INSIG2: variants seen among roughly 807,000 people sequenced by gnomAD.
INSIG2 encodes insulin induced gene 2, also known as insulin-induced gene 2 protein.
INSIG2 carries 10 observed loss-of-function variants against 27.2 expected under a neutral mutation model. That is an observed-to-expected ratio of 0.37 (90% CI 0.23 to 0.62). The LOEUF is 0.62. Ranked by LOEUF, INSIG2 falls within the 20% of genes least tolerant of loss-of-function variation. INSIG2 has a pLI of 0.65. For synonymous variants in INSIG2, 97 were observed against 95.8 expected (o/e 1.01, Z -0.07); for missense variants, 178 against 270.2 (o/e 0.66, Z 2.39).
intron 2 of INSIG2, among the ~76,000 whole-genome samples, chr2:118,100,206 C>T (rs1219014258): frequency 6.6e-6 from 1 of 151,964 alleles, no homozygotes. Context: ...CCTCAAGGGT[C>T]ACCTCTTTCC....
chr2:118,108,388 C>T lies in INSIG2; in HGVS notation c.*66C>T. ...AAAGGATGTGAAATGGTAGATATAC[C>T]AACAAAACTTCAGACTGTAAAATTG... On this transcript the variant is annotated 3_prime_UTR_variant, in exon 6 of 6. Coordinates refer to ENST00000245787, the MANE Select transcript of INSIG2 (RefSeq NM_016133.4). The T allele has an allele frequency of 8.0e-7, 1 of 1,243,984 alleles. No homozygotes were observed. The highest frequency in any genetic ancestry group is 1.2e-6 in the Non-Finnish European group (1 of 862,572). The allele number at this position is 1,243,984 out of a possible 1,614,324, so 77.1% of individuals were successfully genotyped here. A position where few individuals can be genotyped will look rare whatever the true frequency, so the allele number is the denominator to read the frequency against.
Position 118,107,133 on chromosome 2 carries a change from T to G in INSIG2, c.580T>G (p.Cys194Gly). Residue 194 changes from cysteine (C) to glycine (G), a missense_variant, in exon 5 of 6, where the codon TGT becomes GGT. Physicochemically the swap from Cys to Gly is radical, Grantham distance 159 (BLOSUM62 -3). Transcript: ENST00000245787. ...CCTCTATGTTCGTTCTTGGTTACCA[T>G]GTATATTTTTTGCTGGAGGCATAAC... ...DFLYVRSWLP[C>G]IFFAGGITMG... The G allele has an allele frequency of 1.2e-6, 2 of 1,613,594 alleles. No individual in the cohort carries two copies. The highest frequency in any genetic ancestry group is 1.7e-6 in the Non-Finnish European group (2 of 1,179,558).
chr2:118,096,400 T>G lies in INSIG2; in HGVS notation c.-138-19T>G, dbSNP rs116244024. 1.4e-3 allele frequency: 937 copies of G among 647,444 alleles called. 4 individuals carry two copies. The highest frequency in any genetic ancestry group is 2.0e-3 in the Non-Finnish European group (789 of 393,272). 40.1% of individuals were successfully genotyped at this position (647,444 alleles called of 1,614,324 possible). The stretch of plus-strand genomic sequence containing the variant: ...ATGTATTAGATACACATTAATTTCT[T>G]TTTTCTTATCTCTTGCAGGATTTCT... On this transcript the variant is annotated intron_variant, in intron 1 of 5. Transcript: ENST00000245787.
At chr2:118,105,458 C>G (rs1253572268) in intron 3 of INSIG2, among the ~76,000 whole-genome samples, 1 of 152,198 alleles carries the variant, frequency 6.6e-6, no homozygotes, top group Non-Finnish European at 1.5e-5. Context: ...CCAAATTCCA[C>G]TCTTTACATG....
Position 118,103,222 on chromosome 2 carries a change from C to T in INSIG2, c.270C>T (p.Cys90=), listed in dbSNP as rs1024842426. ...ASAVIGLLYP[C]IDRHLGEPHK... ...CTGTGATTGGGTTATTATACCCCTG[C>T]ATTGACAGACATCTAGGAGAACCAC... Residue 90 remains cysteine (C), a synonymous_variant, in exon 3 of 6, where the codon TGC becomes TGT. Transcript: ENST00000245787. 3.1e-6 allele frequency: 5 copies of T among 1,613,458 alleles called. No homozygotes were observed. The Middle Eastern group carries it at 6.6e-4, about 212-fold the overall frequency.
chr2:118,089,279 A>G (rs1217476138), intron 1 of INSIG2, among the ~76,000 whole-genome samples: 1 of 152,210 alleles, frequency 6.6e-6, no homozygotes, highest in Non-Finnish European at 1.5e-5. Context: ...AAAGTATGAT[A>G]TTAGCTAGAT....
chr2:118,102,477 T>A (rs1573575257), intron 2 of INSIG2: 1 of 152,294 alleles, frequency 6.6e-6, no homozygotes, highest in East Asian at 1.9e-4. Context: ...TAACTGAAAA[T>A]TTTAAATACC....
chr2:118,094,262 A>ATGATGATGAAGGAGAGTTC (rs1678352541), intron 1 of INSIG2, among the ~76,000 whole-genome samples: 1 of 147,934 alleles, frequency 6.8e-6, no homozygotes, highest in African/African-American at 2.6e-5. Context: ...GATGATGATG[A>ATGATGATGAAGGAGAGTTC]TGATGAAGGA....
intron 1 of INSIG2, among the ~76,000 whole-genome samples, chr2:118,090,743 C>CT (rs1678204986): frequency 6.6e-6 from 1 of 152,116 alleles, no homozygotes; most frequent in Non-Finnish European, 1.5e-5. Flanking sequence ...TTGTGTGGCA[C>CT]TTAAATTGTT....
chr2:118,099,749 T>C (rs1281726975), intron 2 of INSIG2, among the ~76,000 whole-genome samples: 3 of 152,242 alleles, frequency 2.0e-5, no homozygotes, highest in Non-Finnish European at 4.4e-5. Flanking sequence ...GCCCTATTCC[T>C]GTAGAGCCTT....
At chr2:118,090,155 A>G (rs1270329101) in intron 1 of INSIG2, among the ~76,000 whole-genome samples, 1 of 152,218 alleles carries the variant, frequency 6.6e-6, no homozygotes, top group East Asian at 1.9e-4. Flanking sequence ...AAGAGAGCAT[A>G]TGATGAAAAA....
intron 2 of INSIG2, among the ~76,000 whole-genome samples, chr2:118,097,807 A>G (rs1402282095): frequency 2.6e-5 from 4 of 152,228 alleles, no homozygotes; most frequent in Non-Finnish European, 5.9e-5. Flanking sequence ...GCAACATAAT[A>G]TATGTCCTTC....
At chr2:118,107,282 A>C (rs1266236480) in intron 5 of INSIG2, 93 bp downstream of exon 5, 2 of 782,828 alleles carry the variant, frequency 2.6e-6, no homozygotes, top group Non-Finnish European at 4.3e-6. Context: ...ATTTGTGAAG[A>C]CAACATTCTT....
rs1446944139 is a variant in INSIG2, at chr2:118,110,787, G to C, written c.*2465G>C. ...TGGAAATTTGCACAGTTGAAAACTG[G>C]GGATAAATTCTACAAAAGTGCAAGA... On this transcript the variant is annotated 3_prime_UTR_variant, in exon 6 of 6. Coordinates refer to ENST00000245787, the MANE Select transcript of INSIG2 (RefSeq NM_016133.4). 1 of 151,840 alleles carries C rather than the reference G, an allele frequency of 6.6e-6. No individual in the cohort carries two copies. The highest frequency in any genetic ancestry group is 6.6e-5 in the Admixed American group (1 of 15,206). 9.4% of individuals were successfully genotyped at this position (151,840 alleles called of 1,614,324 possible).
chr2:118,091,280 G>T (rs927165214), intron 1 of INSIG2, among the ~76,000 whole-genome samples: 6 of 152,132 alleles, frequency 3.9e-5, no homozygotes, highest in African/African-American at 1.2e-4. Flanking sequence ...TGCATGGTAG[G>T]GGGTGAAATG....
intron 2 of INSIG2, among the ~76,000 whole-genome samples, chr2:118,100,373 CT>C (rs70949913): frequency 0.05 from 4,082 of 81,274 alleles, 42 homozygotes; most frequent in East Asian, 0.24. Context: ...ACTCTTTTGC[CT>C]TTTTTTTTTT....
chr2:118,105,870 A>G (rs1678660256), intron 3 of INSIG2, among the ~76,000 whole-genome samples: 1 of 152,216 alleles, frequency 6.6e-6, no homozygotes, highest in Admixed American at 6.5e-5. Context: ...CCTTTGGGAC[A>G]TAGATAATGC....
At chr2:118,097,145 C>T (rs920259268) in intron 2 of INSIG2, among the ~76,000 whole-genome samples, 6 of 138,126 alleles carry the variant, frequency 4.3e-5, no homozygotes, top group Non-Finnish European at 7.7e-5. Context: ...TAAATGGGCT[C>T]ATAACGTATG....
rs1192638789 is a variant in INSIG2 at position 118,094,821 on chromosome 2, A to G, written c.-138-1598A>G. On this transcript the variant is annotated intron_variant, in intron 1 of 5. Transcript: ENST00000245787. ...TTCAGCCCCATTCTCTGCGGTTTAC[A>G]TGAGGGCTTTGTTCCAAAATTCATT... Among the ~76,000 whole-genome samples the G allele has an allele frequency of 2.6e-5, 4 of 152,228 alleles. No homozygotes were observed. In the East Asian group the frequency reaches 7.7e-4, roughly 29 times the overall value.
Sources: allele counts gnomAD v4.1 joint callset (sites outside exome capture counted in the v4.1 genomes callset), GRCh38; gene constraint gnomAD v4.1.1; transcripts MANE v1.5; gene names NCBI Gene and HGNC (gene_info 2026-07-23, HGNC 2026-07-21).